Variants in ZNF385B observed in about 807,000 individuals in gnomAD.
ZNF385B encodes zinc finger protein 385B.
A neutral mutation model predicts 39.2 loss-of-function variants in ZNF385B; 23 were observed. That is an observed-to-expected ratio of 0.59 (90% CI 0.42 to 0.83). The LOEUF (loss-of-function observed/expected upper bound fraction) is 0.83. Among genes scored for constraint, ZNF385B ranks in the 40% least tolerant of loss-of-function variants. ZNF385B has a pLI of 0.00. For synonymous variants in ZNF385B, 205 were observed against 222.6 expected (o/e 0.92, Z 0.70); for missense variants, 552 against 598.9 (o/e 0.92, Z 0.82).
At chr2:179,706,368 A>G (rs1699599802) in intron 3 of ZNF385B, among the ~76,000 whole-genome samples, 1 of 152,126 alleles carries the variant, frequency 6.6e-6, no homozygotes, top group South Asian at 2.1e-4. Context: ...CCCTCAATAA[A>G]CACTGGGTCC....
intron 5 of ZNF385B, among the ~76,000 whole-genome samples, chr2:179,505,116 C>T (rs541414388): frequency 4.7e-4 from 72 of 152,078 alleles, no homozygotes; most frequent in African/African-American, 1.4e-3. Context: ...TACAGAGGGC[C>T]GCAGGGGAAT....
At chr2:179,732,149 G>A (rs976928247) in intron 3 of ZNF385B, among the ~76,000 whole-genome samples, 6 of 152,116 alleles carry the variant, frequency 3.9e-5, no homozygotes, top group African/African-American at 1.4e-4. Context: ...TTCCTGCTCT[G>A]TTTTTGCTGT....
At position 179,443,035 on chromosome 2, in the gene ZNF385B, G is replaced by A. The variant is rs934334544; in HGVS notation, c.*215C>T. ...GTGGGGGAGGAAGTAGGGAGATAAA[G>A]CCTATGCTGCTGATTCCTCAATTAT... On this transcript the variant is annotated 3_prime_UTR_variant, in exon 10 of 10. Transcript: ENST00000410066. 4.7e-5 allele frequency: 30 copies of A among 635,218 alleles called. No individual in the cohort carries two copies. Among genetic ancestry groups the A allele is most frequent in the East Asian group, 4.7e-4 (17 of 36,404 alleles). The allele number at this position is 635,218 out of a possible 1,614,324, so 39.3% of individuals were successfully genotyped here.
At chr2:179,521,170 T>TTTTTTGTTTTTG (rs148162465) in intron 4 of ZNF385B, among the ~76,000 whole-genome samples, 11 of 148,186 alleles carry the variant, frequency 7.4e-5, no homozygotes, top group South Asian at 6.5e-4. Context: ...TAATACAGTT[T>TTTTTTGTTTTTG]TTTTTGTTTT....
At chr2:179,643,047 A>G (rs1692404240) in intron 3 of ZNF385B, among the ~76,000 whole-genome samples, 1 of 152,094 alleles carries the variant, frequency 6.6e-6, no homozygotes, top group Non-Finnish European at 1.5e-5. Context: ...CAGACAAGCT[A>G]TGGTTATTAA....
intron 3 of ZNF385B, among the ~76,000 whole-genome samples, chr2:179,752,590 G>C (rs1702747302): frequency 6.6e-6 from 1 of 152,124 alleles, no homozygotes; most frequent in Admixed American, 6.5e-5. Flanking sequence ...ATCCTCTCCA[G>C]CACCTGTTGT....
chr2:179,601,316 T>A (rs1688392992), intron 3 of ZNF385B, among the ~76,000 whole-genome samples: 1 of 152,154 alleles, frequency 6.6e-6, no homozygotes, highest in Non-Finnish European at 1.5e-5. Context: ...CTAAGCAAAT[T>A]CTGAAAATAT....
intron 1 of ZNF385B, among the ~76,000 whole-genome samples, chr2:179,780,297 C>T (rs1243004396): frequency 1.3e-5 from 2 of 152,126 alleles, no homozygotes; most frequent in African/African-American, 2.4e-5. Context: ...GGCTGTTTGT[C>T]CCAGAACCCT....
At chr2:179,836,050 A>G (rs982775871) in intron 1 of ZNF385B, among the ~76,000 whole-genome samples, 1 of 152,230 alleles carries the variant, frequency 6.6e-6, no homozygotes, top group Non-Finnish European at 1.5e-5. Context: ...GAAATAGGCA[A>G]CAACATGGAT....
chr2:179,828,280 A>C (rs545849857), intron 1 of ZNF385B, among the ~76,000 whole-genome samples: 1 of 152,260 alleles, frequency 6.6e-6, no homozygotes, highest in East Asian at 1.9e-4. Flanking sequence ...TGAGATAATG[A>C]TATGTGGGAA....
chr2:179,732,905 T>G (rs990116215), intron 3 of ZNF385B, among the ~76,000 whole-genome samples: 1 of 152,228 alleles, frequency 6.6e-6, no homozygotes, highest in Non-Finnish European at 1.5e-5. Context: ...TCATTCTTCC[T>G]TTATTTTTTA....
intron 3 of ZNF385B, among the ~76,000 whole-genome samples, chr2:179,607,906 CTCTTT>C (rs1688949328): frequency 4.3e-5 from 5 of 116,782 alleles, no homozygotes; most frequent in African/African-American, 1.7e-4. Flanking sequence ...TTCTCAGAAA[CTCTTT>C]TTTTTTTTTT....
chr2:179,652,716 C>G (rs918998163), intron 3 of ZNF385B, among the ~76,000 whole-genome samples: 1 of 152,030 alleles, frequency 6.6e-6, no homozygotes, highest in Admixed American at 6.6e-5. Flanking sequence ...TCTACATATA[C>G]TAACCATAGT....
chr2:179,676,600 G>GT (rs1412502182), intron 3 of ZNF385B, among the ~76,000 whole-genome samples: 13 of 151,528 alleles, frequency 8.6e-5, no homozygotes, highest in African/African-American at 2.7e-4. Flanking sequence ...CTGGAGAGCA[G>GT]CGGGGGGACA....
intron 3 of ZNF385B, among the ~76,000 whole-genome samples, chr2:179,594,989 C>T (rs140740023): frequency 1.2e-3 from 175 of 151,764 alleles, no homozygotes; most frequent in African/African-American, 4.1e-3. Flanking sequence ...AAGTTAGAAA[C>T]GACTAGAAAA....
At chr2:179,737,866 G>A (rs11898784) in intron 3 of ZNF385B, among the ~76,000 whole-genome samples, 86 of 152,218 alleles carry the variant, frequency 5.6e-4, no homozygotes, top group Middle Eastern at 3.4e-3. Context: ...GTGGAGCTGC[G>A]CTTTGAATGC....
At chr2:179,750,718 A>T (rs1420185889) in intron 3 of ZNF385B, among the ~76,000 whole-genome samples, 3 of 152,106 alleles carry the variant, frequency 2.0e-5, no homozygotes, top group Non-Finnish European at 2.9e-5. Flanking sequence ...TGAACTTACT[A>T]ATTAAGAGGT....
chr2:179,744,312 AT>A (rs3215240), intron 3 of ZNF385B, among the ~76,000 whole-genome samples: 3,494 of 145,218 alleles, frequency 0.024, 50 homozygotes, highest in Non-Finnish European at 0.036. Flanking sequence ...CCATCTCTCC[AT>A]TTTTTTTTTT....
chr2:179,669,535 G>C (rs865905762), intron 3 of ZNF385B, among the ~76,000 whole-genome samples: 3 of 152,194 alleles, frequency 2.0e-5, no homozygotes, highest in Admixed American at 6.5e-5. Flanking sequence ...TAGTGGCCTA[G>C]CCAGAAGCAG....
Sources: gnomAD v4.1 joint callset for allele counts (sites outside exome capture counted in the v4.1 genomes callset) on GRCh38, gnomAD v4.1.1 for gene constraint, MANE v1.5 for transcripts, NCBI Gene and HGNC (gene_info 2026-07-23, HGNC 2026-07-21) for gene names.